The following ATL1 variants were observed in gnomAD, a reference collection of about 807,000 sequenced individuals.
ATL1 encodes atlastin-1.
A neutral mutation model predicts 75.5 loss-of-function variants in ATL1; 31 were observed. The ratio of observed to expected loss-of-function variants is 0.41; its 90% CI spans 0.31 to 0.55. The LOEUF is 0.55. ATL1 is among the 20% of genes least tolerant of loss of function. ATL1 has a pLI of 0.27. For missense variants in ATL1, 405 were observed against 662.6 expected (o/e 0.61, Z 4.27); for synonymous variants, 226 against 233.3 (o/e 0.97, Z 0.28).
At chr14:50,629,911 A>T in intron 12 of ATL1, 84 bp from the exon 13 acceptor site, 1 of 1,077,920 alleles carries the variant, frequency 9.3e-7, no homozygotes, top group South Asian at 1.5e-5. Context: ...ACAAATTAAT[A>T]TTGTAAGCAA....
At chr14:50,536,883 AG>A (rs2038499738) in intron 1 of ATL1, among the ~76,000 whole-genome samples, 1 of 152,230 alleles carries the variant, frequency 6.6e-6, no homozygotes, top group African/African-American at 2.4e-5. Flanking sequence ...CAGTCTTATA[AG>A]GGAAGCACAG....
At chr14:50,622,907 G>A (rs2039481583) in intron 10 of ATL1, among the ~76,000 whole-genome samples, 1 of 151,998 alleles carries the variant, frequency 6.6e-6, no homozygotes, top group Admixed American at 6.6e-5. Flanking sequence ...TTAATGGCAG[G>A]CTAAAAAATA....
chr14:50,560,107 TC>T (rs1595579371), upstream of ATL1: 4 of 796,056 alleles, frequency 5.0e-6, no homozygotes, highest in Non-Finnish European at 8.3e-6. Context: ...TCCCTTTTCC[TC>T]CCCACTCCTT....
At position 50,595,624 on chromosome 14, in the gene ATL1, C is replaced by T. The variant is rs147839037; in HGVS notation, c.622C>T (p.Pro208Ser). ...GGCAATGGAGGAAACATTCCTGAAG[C>T]CATTTCAGGTGAGCGAGTGTTAAAT... ...RLAMEETFLK[P>S]FQSLIFLVRD... Residue 208 changes from proline to serine, a missense_variant, in exon 6 of 14, where the codon CCA (proline) becomes TCA (serine). By Grantham distance (74) the Pro-to-Ser change is moderately conservative. Transcript: ENST00000358385. The T allele has an allele frequency of 2.2e-5, 36 of 1,613,434 alleles. No homozygotes were observed. Among genetic ancestry groups the T allele is most frequent in the Non-Finnish European group, 2.9e-5 (34 of 1,179,858 alleles).
At chr14:50,555,499 G>A (rs1265289016), upstream of ATL1, among the ~76,000 whole-genome samples, 1 of 152,162 alleles carries the variant, frequency 6.6e-6, no homozygotes, top group Non-Finnish European at 1.5e-5. Flanking sequence ...GCCCAGGCTG[G>A]TTTGAAACTC....
intron 11 of ATL1, 151 bp from the exon 12 acceptor site, chr14:50,627,880 G>T: frequency 8.4e-6 from 6 of 711,406 alleles, no homozygotes; most frequent in South Asian, 8.4e-5. Flanking sequence ...TCGTGGATAG[G>T]GGGTGGAAAG....
chr14:50,623,992 T>G (rs1595621965), intron 11 of ATL1, among the ~76,000 whole-genome samples: 1 of 152,010 alleles, frequency 6.6e-6, no homozygotes, highest in Non-Finnish European at 1.5e-5. Context: ...GAAGTGGAGG[T>G]TGCAGTGAGC....
chr14:50,630,135 A>G (rs2039565822), intron 13 of ATL1, 126 bp downstream of exon 13: 2 of 597,824 alleles, frequency 3.3e-6, no homozygotes, highest in Non-Finnish European at 5.5e-6. Flanking sequence ...GACTTCTAAC[A>G]TTTAAATTTG....
At position 50,590,272 on chromosome 14, in the gene ATL1, C is replaced by A. The variant is rs190937356; in HGVS notation, c.283-669C>A. Among the ~76,000 whole-genome samples the A allele has an allele frequency of 2.0e-5, 3 of 152,306 alleles. No individual in the cohort carries two copies. In the East Asian group the frequency reaches 5.8e-4, roughly 29 times the overall value. On this transcript the variant is annotated intron_variant, in intron 2 of 13. Coordinates refer to ENST00000358385, the MANE Select transcript of ATL1 (RefSeq NM_015915.5). ...CTACTTCTAGAATAGTATCTTTCTACCACAACTATGATGATAATTCATCTC... is the reference window on the plus strand; with the variant it reads ...CTACTTCTAGAATAGTATCTTTCTAACACAACTATGATGATAATTCATCTC...
chr14:50,624,130 G>C (rs1019042106), intron 11 of ATL1, among the ~76,000 whole-genome samples: 2 of 151,888 alleles, frequency 1.3e-5, no homozygotes, highest in Non-Finnish European at 2.9e-5. Flanking sequence ...AGTATATGGA[G>C]TGGCATTATT....
chr14:50,631,476 A>C (rs1324698989), intron 13 of ATL1, among the ~76,000 whole-genome samples: 1 of 152,154 alleles, frequency 6.6e-6, no homozygotes, highest in African/African-American at 2.4e-5. Flanking sequence ...CAAGTATGTG[A>C]AAGTCAGAGG....
chr14:50,563,728 C>A (rs73289896), intron 1 of ATL1, among the ~76,000 whole-genome samples: 1 of 152,058 alleles, frequency 6.6e-6, no homozygotes, highest in South Asian at 2.1e-4. Context: ...GAATTGAGGA[C>A]GATGTTTGAA....
chr14:50,565,104 C>T (rs1017015637), intron 1 of ATL1, among the ~76,000 whole-genome samples: 16 of 151,778 alleles, frequency 1.1e-4, no homozygotes, highest in African/African-American at 2.2e-4. Flanking sequence ...CTGGGTAACA[C>T]GGTGAAACCC....
intron 1 of ATL1, among the ~76,000 whole-genome samples, chr14:50,553,162 G>T (rs2038723661): frequency 6.6e-6 from 1 of 151,902 alleles, no homozygotes; most frequent in African/African-American, 2.4e-5. Context: ...CATGCATGGT[G>T]GTGTGTGCCT....
chr14:50,576,946 A>C (rs761678115), intron 1 of ATL1, among the ~76,000 whole-genome samples: 3 of 141,628 alleles, frequency 2.1e-5, no homozygotes, highest in African/African-American at 3.2e-5. Flanking sequence ...AGTCGAGTAC[A>C]TAATATTTGT....
intron 1 of ATL1, among the ~76,000 whole-genome samples, chr14:50,546,279 A>G (rs2038630431): frequency 1.3e-5 from 2 of 152,318 alleles, no homozygotes; most frequent in South Asian, 4.1e-4. Context: ...AATTTTGTCA[A>G]AAATGATATG....
At chr14:50,600,748 A>T (rs1331045028) in intron 6 of ATL1, among the ~76,000 whole-genome samples, 2 of 152,102 alleles carry the variant, frequency 1.3e-5, no homozygotes, top group East Asian at 3.9e-4. Flanking sequence ...GGGAAATTTT[A>T]AACATTGCCT....
chr14:50,548,405 A>T (rs1004223584), intron 1 of ATL1, among the ~76,000 whole-genome samples: 3 of 152,228 alleles, frequency 2.0e-5, no homozygotes, highest in African/African-American at 7.2e-5. Context: ...TCCCACTGCC[A>T]CAGGATCCTT....
intron 1 of ATL1, among the ~76,000 whole-genome samples, chr14:50,583,229 ATAAGT>A (rs2039073311): frequency 6.6e-6 from 1 of 152,204 alleles, no homozygotes; most frequent in Non-Finnish European, 1.5e-5. Context: ...TGAATGTCTA[ATAAGT>A]TAAGAAAAAG....
Sources: gnomAD v4.1 joint callset for allele counts (sites outside exome capture counted in the v4.1 genomes callset) on GRCh38, gnomAD v4.1.1 for gene constraint, MANE v1.5 for transcripts, NCBI Gene and HGNC (gene_info 2026-07-23, HGNC 2026-07-21) for gene names.